The following PCDHA2 variants were observed in gnomAD, a reference collection of about 807,000 sequenced individuals.
PCDHA2 encodes the protein protocadherin alpha-2.
PCDHA2 carries 58 observed loss-of-function variants against 66.0 expected under a neutral mutation model. The ratio of observed to expected loss-of-function variants is 0.88; its 90% CI spans 0.71 to 1.09. The LOEUF (loss-of-function observed/expected upper bound fraction) is 1.09. Ranked by LOEUF, PCDHA2 falls within the 50% of genes least tolerant of loss-of-function variation. PCDHA2 has a pLI of 0.00. For synonymous variants in PCDHA2, 634 were observed against 554.0 expected, an observed-to-expected ratio of 1.14 and a Z score of -2.03; for missense variants, 1,267 against 1,242.3, an observed-to-expected ratio of 1.02 and a Z score of -0.30.
At chr5:140,967,390 G>C (rs2096135950) in intron 1 of PCDHA2, 1 of 1,609,870 alleles carries the variant, frequency 6.2e-7, no homozygotes, top group African/African-American at 1.3e-5. Context: ...AAGTGCTTGA[G>C]CTGGTGCTGC....
rs868942705 is a variant in PCDHA2 at position 140,935,763 on chromosome 5, C to T, written c.2389-43186C>T. Reference sequence around the variant, plus strand: ...TATTCCATACAATACACATTCTTCCCCACTTTGAGTTTTTTCACTTAAAAA... The same window carrying T: ...TATTCCATACAATACACATTCTTCCTCACTTTGAGTTTTTTCACTTAAAAA... On this transcript the variant is annotated intron_variant, in intron 1 of 3. Coordinates refer to ENST00000526136, the MANE Select transcript of PCDHA2 (RefSeq NM_018905.3). Among the ~76,000 whole-genome samples, 111 of 152,180 alleles carry T rather than the reference C, an allele frequency of 7.3e-4. 1 individual carries two copies. The highest frequency in any genetic ancestry group is 3.4e-3 in the Middle Eastern group (1 of 294).
chr5:140,965,496 ATTT>A (rs71766133), intron 1 of PCDHA2, among the ~76,000 whole-genome samples: 1 of 146,428 alleles, frequency 6.8e-6, no homozygotes. Flanking sequence ...ATGACAGCAG[ATTT>A]TTTTTTTTTT....
intron 1 of PCDHA2, chr5:140,802,100 A>C (rs1762846843): frequency 6.2e-7 from 1 of 1,614,116 alleles, no homozygotes; most frequent in African/African-American, 1.3e-5. Context: ...TCAATGGACA[A>C]ATCAGTGTAA....
chr5:140,953,938 C>T (rs1349031672), intron 1 of PCDHA2, among the ~76,000 whole-genome samples: 1 of 152,088 alleles, frequency 6.6e-6, no homozygotes, highest in African/African-American at 2.4e-5. Context: ...CTCTCCCTCC[C>T]ATTGCTCCCC....
At chr5:140,903,500 G>C (rs553764100) in intron 1 of PCDHA2, among the ~76,000 whole-genome samples, 5 of 152,184 alleles carry the variant, frequency 3.3e-5, no homozygotes, top group Non-Finnish European at 7.3e-5. Flanking sequence ...AGGTACCATA[G>C]ATAATAGTTC....
intron 2 of PCDHA2, 155 bp downstream of exon 2, chr5:140,979,162 T>C: frequency 2.1e-6 from 2 of 975,444 alleles, no homozygotes; most frequent in Non-Finnish European, 2.4e-6. Context: ...TGTTTATTCC[T>C]TGAAAGATCG....
chr5:140,853,960 C>G, intron 1 of PCDHA2: 2 of 730,184 alleles, frequency 2.7e-6, no homozygotes, highest in Non-Finnish European at 3.4e-6. Flanking sequence ...CTTCCTTGAG[C>G]CCAGCAGTTT....
intron 1 of PCDHA2, chr5:140,883,972 C>G (rs781784485): frequency 3.1e-6 from 5 of 1,612,854 alleles, no homozygotes; most frequent in Non-Finnish European, 4.2e-6. Context: ...TGCTGACGCC[C>G]GGGGCTGGCA....
At chr5:140,962,223 A>G (rs951247075) in intron 1 of PCDHA2, among the ~76,000 whole-genome samples, 8 of 152,160 alleles carry the variant, frequency 5.3e-5, no homozygotes, top group Admixed American at 3.9e-4. Flanking sequence ...CTTGAGGTTC[A>G]AGTTTCACTT....
At chr5:140,893,888 G>A (rs1182777052) in intron 1 of PCDHA2, among the ~76,000 whole-genome samples, 1 of 152,128 alleles carries the variant, frequency 6.6e-6, no homozygotes, top group Non-Finnish European at 1.5e-5. Context: ...TGGCCAGAAA[G>A]TTACTTTACC....
intron 1 of PCDHA2, chr5:140,882,304 G>A (rs1046715245): frequency 1.2e-6 from 2 of 1,613,750 alleles, no homozygotes; most frequent in Non-Finnish European, 1.7e-6. Context: ...CAAGACCGCG[G>A]CAACTACTGC....
intron 1 of PCDHA2, among the ~76,000 whole-genome samples, chr5:140,939,514 A>G (rs1280466076): frequency 2.0e-5 from 3 of 152,236 alleles, no homozygotes; most frequent in African/African-American, 7.2e-5. Flanking sequence ...TATAACATTA[A>G]TAGTTATAGA....
At chr5:140,803,113 A>G in intron 1 of PCDHA2, 1 of 1,613,838 alleles carries the variant, frequency 6.2e-7, no homozygotes, top group Non-Finnish European at 8.5e-7. Flanking sequence ...GCCCTGGACG[A>G]GGTGGACGCC....
At chr5:140,803,498 C>G (rs1390487927) in intron 1 of PCDHA2, 6 of 1,614,076 alleles carry the variant, frequency 3.7e-6, no homozygotes, top group South Asian at 3.3e-5. Context: ...TGCCCAAGAC[C>G]GACCTCATGG....
intron 1 of PCDHA2, chr5:140,863,004 GC>G (rs781788283): frequency 1.8e-6 from 1 of 551,012 alleles, no homozygotes; most frequent in Non-Finnish European, 3.6e-6. Context: ...GTGGACTCCA[GC>G]TATGACGCCT....
Position 140,802,670 on chromosome 5 carries a change from C to G in PCDHA2, c.2388+5318C>G. 1.9e-6 allele frequency: 3 copies of G among 1,613,448 alleles called. No homozygotes were observed. In the South Asian group the frequency reaches 3.3e-5, roughly 18 times the overall value. On this transcript the variant is annotated intron_variant, in intron 1 of 3. Transcript: ENST00000526136. ...ACGCGCAGGAGAACGCCCTGGTGTC[C>G]TACTCGCTGGTGGAACGGCGGGTGG... is the stretch of plus-strand genomic sequence containing the variant.
At chr5:140,942,541 G>T (rs1241528363) in intron 1 of PCDHA2, among the ~76,000 whole-genome samples, 1 of 152,056 alleles carries the variant, frequency 6.6e-6, no homozygotes, top group Non-Finnish European at 1.5e-5. Context: ...CAGTATGGTG[G>T]GGGGTAGGGG....
chr5:140,988,524 T>C (rs1338675660), intron 3 of PCDHA2, among the ~76,000 whole-genome samples: 2 of 152,212 alleles, frequency 1.3e-5, no homozygotes, highest in East Asian at 3.8e-4. Context: ...AAGTCTCTGC[T>C]GGCTCCATCC....
intron 1 of PCDHA2, among the ~76,000 whole-genome samples, chr5:140,938,135 A>T (rs926775458): frequency 1.3e-5 from 2 of 152,198 alleles, no homozygotes; most frequent in Non-Finnish European, 2.9e-5. Flanking sequence ...AAATAGAGAT[A>T]GAGTCTCACT....
Sources: allele counts gnomAD v4.1 joint callset (sites outside exome capture counted in the v4.1 genomes callset), GRCh38; gene constraint gnomAD v4.1.1; transcripts MANE v1.5; gene names NCBI Gene and HGNC (gene_info 2026-07-23, HGNC 2026-07-21).